Variants in CNTNAP2 observed in about 807,000 individuals in gnomAD.
CNTNAP2 encodes contactin-associated protein-like 2.
A neutral mutation model predicts 155.2 loss-of-function variants in CNTNAP2; 98 were observed. The observed-to-expected ratio is 0.63, with a 90% CI of 0.54 to 0.75. The LOEUF (loss-of-function observed/expected upper bound fraction) is 0.75, where lower values mean the gene tolerates loss of function less well. CNTNAP2 is among the 30% of genes least tolerant of loss of function. The pLI, the probability that CNTNAP2 is intolerant of heterozygous loss-of-function variation, is 0.00. For missense variants in CNTNAP2, 1,727 were observed against 1,688.1 expected, an observed-to-expected ratio of 1.02 and a Z score of -0.40; for synonymous variants, 651 against 631.2, an observed-to-expected ratio of 1.03 and a Z score of -0.47.
At position 148,222,398 on chromosome 7, in the gene CNTNAP2, A is replaced by C. The variant is rs914174457; in HGVS notation, c.3247+4874A>C. Among the ~76,000 whole-genome samples, 5 of 152,264 alleles carry C rather than the reference A, an allele frequency of 3.3e-5. No homozygotes were observed. In the South Asian group the frequency reaches 1.0e-3, roughly 32 times the overall value. On this transcript the variant is annotated intron_variant, in intron 19 of 23. Coordinates refer to ENST00000361727, the MANE Select transcript of CNTNAP2 (RefSeq NM_014141.6). ...AGACAGTGCAGGGCATGACATGGCG[A>C]GGTTAAGCTGCCAGCTCAGGCCTCT...
intron 1 of CNTNAP2, among the ~76,000 whole-genome samples, chr7:146,724,188 G>A (rs1203071970): frequency 6.6e-6 from 1 of 152,026 alleles, no homozygotes; most frequent in Non-Finnish European, 1.5e-5. Context: ...GCTATCTCAA[G>A]GGGCTTATAA....
At chr7:147,796,611 T>C (rs1390423893) in intron 13 of CNTNAP2, among the ~76,000 whole-genome samples, 1 of 151,990 alleles carries the variant, frequency 6.6e-6, no homozygotes, top group East Asian at 1.9e-4. Flanking sequence ...ACATGTTTTG[T>C]GAATTATCCA....
At chr7:148,158,980 G>A (rs1805460538) in intron 17 of CNTNAP2, among the ~76,000 whole-genome samples, 3 of 152,056 alleles carry the variant, frequency 2.0e-5, no homozygotes, top group African/African-American at 7.2e-5. Flanking sequence ...ATAGATCCTC[G>A]CAGCCCCATA....
At chr7:147,139,719 A>G (rs1246397839) in intron 8 of CNTNAP2, among the ~76,000 whole-genome samples, 1 of 152,074 alleles carries the variant, frequency 6.6e-6, no homozygotes, top group African/African-American at 2.4e-5. Context: ...GATTCTGCAG[A>G]TTCTGTGAGC....
intron 15 of CNTNAP2, among the ~76,000 whole-genome samples, chr7:148,084,014 G>C (rs1803670266): frequency 6.6e-6 from 1 of 152,154 alleles, no homozygotes. Flanking sequence ...AGATCCGTCT[G>C]TTTCCAAAAT....
intron 4 of CNTNAP2, among the ~76,000 whole-genome samples, chr7:147,075,563 G>A (rs1350310340): frequency 6.6e-6 from 1 of 151,972 alleles, no homozygotes; most frequent in Non-Finnish European, 1.5e-5. Flanking sequence ...AATAATAATA[G>A]TATATGAATG....
At chr7:146,733,422 CAAAA>C (rs556362811) in intron 1 of CNTNAP2, among the ~76,000 whole-genome samples, 1 of 147,502 alleles carries the variant, frequency 6.8e-6, no homozygotes, top group Non-Finnish European at 1.5e-5. Flanking sequence ...CTGCAAAAAA[CAAAA>C]AACAAGAAAT....
At position 148,147,376 on chromosome 7, in the gene CNTNAP2, C is replaced by T. The variant is rs114551495; in HGVS notation, c.2555-115C>T. 1,890 of 989,452 alleles carry T rather than the reference C, an allele frequency of 1.9e-3. 30 individuals carry two copies. The African/African-American group carries it at 0.024, about 12-fold the overall frequency. 61.3% of individuals were successfully genotyped at this position (989,452 alleles called of 1,614,324 possible). A position where few individuals can be genotyped will look rare whatever the true frequency, so the allele number is the denominator to read the frequency against. On this transcript the variant is annotated intron_variant, in intron 16 of 23. Transcript: ENST00000361727. ...GATTTTGCCATCGACCTTTGTAGGA[C>T]GTGACAGGCTTAGATGATTTTTCCT...
intron 3 of CNTNAP2, among the ~76,000 whole-genome samples, chr7:146,911,360 T>A (rs1030657098): frequency 6.6e-6 from 1 of 152,048 alleles, no homozygotes; most frequent in Non-Finnish European, 1.5e-5. Context: ...TGCACACGTA[T>A]GTTTATCGCG....
chr7:147,563,909 C>T (rs143051062), intron 12 of CNTNAP2, among the ~76,000 whole-genome samples: 1 of 152,216 alleles, frequency 6.6e-6, no homozygotes, highest in East Asian at 1.9e-4. Flanking sequence ...TCAGCAGTAT[C>T]AGGAAGCCAG....
At chr7:147,703,092 C>G (rs922137647) in intron 13 of CNTNAP2, among the ~76,000 whole-genome samples, 19 of 152,328 alleles carry the variant, frequency 1.2e-4, no homozygotes, top group African/African-American at 4.3e-4. Flanking sequence ...CTCTTCAGTT[C>G]TGATGACCTG....
intron 14 of CNTNAP2, among the ~76,000 whole-genome samples, chr7:147,967,737 A>G (rs1006240232): frequency 6.6e-6 from 1 of 152,242 alleles, no homozygotes; most frequent in East Asian, 1.9e-4. Flanking sequence ...ACGTGAAGAA[A>G]TATTGGCCCA....
At chr7:147,053,960 T>C (rs563563162) in intron 4 of CNTNAP2, among the ~76,000 whole-genome samples, 4 of 152,258 alleles carry the variant, frequency 2.6e-5, no homozygotes, top group East Asian at 1.9e-4. Context: ...TCCTCTATTT[T>C]ACTAACGAGG....
chr7:146,218,479 A>C (rs1799152540), intron 1 of CNTNAP2, among the ~76,000 whole-genome samples: 1 of 152,174 alleles, frequency 6.6e-6, no homozygotes, highest in Non-Finnish European at 1.5e-5. Context: ...ACTGCACTCC[A>C]GCCTGGGTGA....
intron 1 of CNTNAP2, among the ~76,000 whole-genome samples, chr7:146,457,719 G>A (rs1796578264): frequency 6.6e-6 from 1 of 150,976 alleles, no homozygotes; most frequent in Admixed American, 6.6e-5. Context: ...TAGCAAGGAT[G>A]GTCTCGATCT....
At chr7:148,182,046 C>A (rs116232492) in intron 18 of CNTNAP2, among the ~76,000 whole-genome samples, 1 of 150,664 alleles carries the variant, frequency 6.6e-6, no homozygotes, top group Non-Finnish European at 1.5e-5. Context: ...CGTGAGCCAC[C>A]GCGCCTGGCC....
intron 9 of CNTNAP2, among the ~76,000 whole-genome samples, chr7:147,394,930 A>ATATACCATATTATGGTATTTTATT (rs1283511084): frequency 1.3e-5 from 2 of 151,328 alleles, no homozygotes; most frequent in Admixed American, 6.6e-5. Context: ...GGTATTTTAT[A>ATATACCATATTATGGTATTTTATT]TATACCATAT....
At chr7:147,201,304 A>G (rs185882692) in intron 8 of CNTNAP2, among the ~76,000 whole-genome samples, 29 of 152,324 alleles carry the variant, frequency 1.9e-4, no homozygotes, top group African/African-American at 6.0e-4. Flanking sequence ...TTTATTATAC[A>G]CATTTCAGTA....
chr7:147,158,053 AT>A (rs1203231309), intron 8 of CNTNAP2, among the ~76,000 whole-genome samples: 1 of 152,054 alleles, frequency 6.6e-6, no homozygotes, highest in Non-Finnish European at 1.5e-5. Context: ...CTAAATGACA[AT>A]TTAATAAGGT....
Sources: gnomAD v4.1 joint callset for allele counts (sites outside exome capture counted in the v4.1 genomes callset) on GRCh38, gnomAD v4.1.1 for gene constraint, MANE v1.5 for transcripts, NCBI Gene and HGNC (gene_info 2026-07-23, HGNC 2026-07-21) for gene names.